Variants in PATJ observed in about 807,000 individuals in gnomAD.
The protein encoded by PATJ is inaD-like protein.
In PATJ, 190 loss-of-function variants were observed where a neutral mutation model predicts 224.9. The observed-to-expected ratio is 0.84, with a 90% CI of 0.75 to 0.95. PATJ has a LOEUF of 0.95. Ranked by LOEUF, PATJ falls within the 40% of genes least tolerant of loss-of-function variation. The pLI is 0.00. For synonymous variants in PATJ, 769 were observed against 820.3 expected, an observed-to-expected ratio of 0.94 and a Z score of 1.07; for missense variants, 2,121 against 2,270.3, an observed-to-expected ratio of 0.93 and a Z score of 1.34.
In PATJ at chr1:61,961,694, C is replaced by T. The variant is rs139977667; in HGVS notation, c.3671-28474C>T. Among the ~76,000 whole-genome samples, 815 of 152,128 alleles carry T rather than the reference C, an allele frequency of 5.4e-3. 5 individuals carry two copies. Among genetic ancestry groups the T allele is most frequent in the Middle Eastern group, 0.027 (8 of 294 alleles). ...AAAGAAATATGAATACAGGGCTGGG[C>T]GCGGTGGCTCGTGCCTGTAATCCCA... On this transcript the variant is annotated intron_variant, in intron 27 of 43. Coordinates refer to ENST00000642238, the MANE Select transcript of PATJ (RefSeq NM_001350145.3).
intron 29 of PATJ, among the ~76,000 whole-genome samples, chr1:62,022,538 C>T (rs1377361359): frequency 6.6e-6 from 1 of 152,106 alleles, no homozygotes; most frequent in East Asian, 1.9e-4. Context: ...AATTTAAGTA[C>T]AAGAGGAGAG....
At chr1:62,113,072 A>G (rs930715178) in intron 34 of PATJ, among the ~76,000 whole-genome samples, 1 of 152,232 alleles carries the variant, frequency 6.6e-6, no homozygotes, top group African/African-American at 2.4e-5. Context: ...CTAGCACACA[A>G]GCACTGCAGA....
intron 14 of PATJ, among the ~76,000 whole-genome samples, chr1:61,813,364 TATATATATATATATACACAC>T (rs1213532122): frequency 1.8e-4 from 9 of 50,904 alleles, no homozygotes; most frequent in South Asian, 6.7e-4. Flanking sequence ...TATATATATA[TATATATATATATATACACAC>T]ACACACACAC....
At chr1:61,894,582 C>G (rs1163584240) in intron 22 of PATJ, among the ~76,000 whole-genome samples, 32 of 152,190 alleles carry the variant, frequency 2.1e-4, no homozygotes, top group Admixed American at 2.1e-3. Flanking sequence ...GCCTTGCTTC[C>G]CCTTTGCCTT....
chr1:61,746,600 A>T (rs1189622655), intron 1 of PATJ, among the ~76,000 whole-genome samples: 1 of 152,260 alleles, frequency 6.6e-6, no homozygotes, highest in Non-Finnish European at 1.5e-5. Context: ...CCAATATGCA[A>T]TATCACAAGG....
chr1:61,848,740 G>A (rs1391290379), intron 17 of PATJ, among the ~76,000 whole-genome samples: 2 of 152,034 alleles, frequency 1.3e-5, no homozygotes, highest in Admixed American at 6.6e-5. Flanking sequence ...GTTTCTTTCT[G>A]CATTCTCTAT....
chr1:61,877,609 T>A (rs1667507826), intron 21 of PATJ, among the ~76,000 whole-genome samples: 1 of 152,044 alleles, frequency 6.6e-6, no homozygotes, highest in African/African-American at 2.4e-5. Flanking sequence ...GCATGCTTTC[T>A]CTCCTACTGC....
chr1:61,864,989 A>G (rs974018779), intron 20 of PATJ, among the ~76,000 whole-genome samples: 13 of 151,870 alleles, frequency 8.6e-5, no homozygotes, highest in African/African-American at 2.7e-4. Context: ...TATTTTTCAC[A>G]TAGTTTATTT....
intron 21 of PATJ, among the ~76,000 whole-genome samples, chr1:61,883,793 T>C (rs1276002046): frequency 6.7e-6 from 1 of 149,000 alleles, no homozygotes; most frequent in Non-Finnish European, 1.5e-5. Flanking sequence ...AAAAGAATTC[T>C]GAAATTTATA....
At chr1:62,055,306 T>C (rs978737900) in intron 31 of PATJ, among the ~76,000 whole-genome samples, 5 of 152,170 alleles carry the variant, frequency 3.3e-5, no homozygotes, top group African/African-American at 1.2e-4. Flanking sequence ...CTAAAATAAT[T>C]ACTTTAATCT....
chr1:61,806,908 C>T (rs1040070336), intron 13 of PATJ, among the ~76,000 whole-genome samples: 2 of 151,968 alleles, frequency 1.3e-5, no homozygotes, highest in African/African-American at 4.8e-5. Flanking sequence ...TCCCAGCACT[C>T]TGGGAGGCCA....
intron 41 of PATJ, among the ~76,000 whole-genome samples, chr1:62,147,669 C>T (rs758645758): frequency 6.6e-6 from 1 of 152,044 alleles, no homozygotes; most frequent in African/African-American, 2.4e-5. Context: ...CGTACTGGCA[C>T]TCGCCTGTAG....
chr1:61,806,549 G>A (rs1391126495), intron 13 of PATJ, among the ~76,000 whole-genome samples: 3 of 151,636 alleles, frequency 2.0e-5, no homozygotes, highest in African/African-American at 4.9e-5. Context: ...AACCTGGGAG[G>A]TGGAGCTTGC....
chr1:61,854,033 A>G (rs1013419269), intron 17 of PATJ, among the ~76,000 whole-genome samples: 3 of 152,160 alleles, frequency 2.0e-5, no homozygotes, highest in Non-Finnish European at 4.4e-5. Flanking sequence ...TAAATATGGT[A>G]TATTTGGTTA....
intron 42 of PATJ, 31 bp downstream of exon 42, chr1:62,148,421 T>C: frequency 6.7e-7 from 1 of 1,486,810 alleles, no homozygotes; most frequent in Non-Finnish European, 9.4e-7. Context: ...GGGCCTATTA[T>C]GCATGTGGGC....
intron 29 of PATJ, among the ~76,000 whole-genome samples, chr1:62,023,382 T>C (rs1223411689): frequency 6.6e-6 from 1 of 152,216 alleles, no homozygotes; most frequent in African/African-American, 2.4e-5. Context: ...AGCATGAGTT[T>C]AACTTTCATA....
At chr1:61,807,093 G>A (rs1653724315) in intron 13 of PATJ, among the ~76,000 whole-genome samples, 2 of 152,160 alleles carry the variant, frequency 1.3e-5, no homozygotes, top group Non-Finnish European at 1.5e-5. Context: ...GGAGGTTGTG[G>A]TGAGCTGAGA....
intron 1 of PATJ, among the ~76,000 whole-genome samples, chr1:61,749,713 G>A (rs1189773181): frequency 2.6e-5 from 4 of 151,388 alleles, no homozygotes; most frequent in African/African-American, 9.7e-5. Flanking sequence ...GTCTCACTCT[G>A]TTGCCCAGGC....
intron 31 of PATJ, among the ~76,000 whole-genome samples, chr1:62,065,480 C>T (rs1335991026): frequency 6.6e-6 from 1 of 152,086 alleles, no homozygotes; most frequent in African/African-American, 2.4e-5. Context: ...GCATAGTTGG[C>T]GCTTGCCTGT....
Sources: gnomAD v4.1 joint callset for allele counts (sites outside exome capture counted in the v4.1 genomes callset) on GRCh38, gnomAD v4.1.1 for gene constraint, MANE v1.5 for transcripts, NCBI Gene and HGNC (gene_info 2026-07-23, HGNC 2026-07-21) for gene names.